Variants in GNAO1 observed in about 807,000 individuals in gnomAD.
GNAO1 encodes G protein subunit alpha o1, also known as guanine nucleotide-binding protein G(o) subunit alpha.
For missense variants in GNAO1, 166 were observed against 478.7 expected, an observed-to-expected ratio of 0.35 and a Z score of 6.10; for synonymous variants, 164 against 180.7, an observed-to-expected ratio of 0.91 and a Z score of 0.74.
At chr16:56,341,952 G>C (rs1274861764) in intron 6 of GNAO1, among the ~76,000 whole-genome samples, 1 of 152,212 alleles carries the variant, frequency 6.6e-6, no homozygotes, top group African/African-American at 2.4e-5. Flanking sequence ...GGGGCATCCC[G>C]GGGGCTTGGG....
chr16:56,271,597 G>A (rs564863353), intron 2 of GNAO1, among the ~76,000 whole-genome samples: 1 of 152,144 alleles, frequency 6.6e-6, no homozygotes, highest in African/African-American at 2.4e-5. Flanking sequence ...GGGACTACAG[G>A]TGCATGCCAC....
chr16:56,269,237 C>T (rs995358906), intron 2 of GNAO1, among the ~76,000 whole-genome samples: 1 of 152,182 alleles, frequency 6.6e-6, no homozygotes, highest in Non-Finnish European at 1.5e-5. Context: ...TCCGGAGAAA[C>T]CCCCTCTGCC....
chr16:56,262,396 T>C (rs1399202032), intron 2 of GNAO1, among the ~76,000 whole-genome samples: 1 of 152,168 alleles, frequency 6.6e-6, no homozygotes, highest in African/African-American at 2.4e-5. Context: ...GTAACCTGGG[T>C]TTGTAAAAGC....
intron 2 of GNAO1, among the ~76,000 whole-genome samples, chr16:56,260,387 C>T (rs1330836700): frequency 1.3e-5 from 2 of 152,180 alleles, no homozygotes; most frequent in African/African-American, 4.8e-5. Flanking sequence ...CTTCAACGTG[C>T]ACCAATTTTA....
At chr16:56,205,836 G>A (rs188650754) in intron 2 of GNAO1, among the ~76,000 whole-genome samples, 9 of 152,320 alleles carry the variant, frequency 5.9e-5, no homozygotes, top group East Asian at 1.9e-4. Flanking sequence ...ATAGTCATGC[G>A]TTCTAAAGGA....
intron 6 of GNAO1, chr16:56,345,842 C>G: frequency 1.0e-6 from 1 of 985,580 alleles, no homozygotes; most frequent in South Asian, 4.7e-5. Context: ...TAACCCCAGG[C>G]TCAGAAGCAG....
intron 3 of GNAO1, among the ~76,000 whole-genome samples, chr16:56,288,387 C>T (rs1282823659): frequency 6.6e-6 from 1 of 152,174 alleles, no homozygotes; most frequent in Admixed American, 6.5e-5. Flanking sequence ...GGTGGGGTCT[C>T]ACCAGCCACC....
chr16:56,347,987 G>A (rs1473825891), intron 6 of GNAO1: 1 of 980,514 alleles, frequency 1.0e-6, no homozygotes, highest in South Asian at 4.7e-5. Context: ...GGTGGGCTCG[G>A]GCGTCCCAGG....
intron 6 of GNAO1, chr16:56,344,601 C>T: frequency 9.1e-6 from 9 of 986,024 alleles, no homozygotes; most frequent in Non-Finnish European, 1.1e-5. Flanking sequence ...TCTGGAAATG[C>T]TTCTTGAGAC....
At chr16:56,194,100 G>A in intron 2 of GNAO1, 1 of 456,628 alleles carries the variant, frequency 2.2e-6, no homozygotes, top group South Asian at 1.5e-5. Context: ...CATGATGGTA[G>A]GGAGTAGCGA....
At chr16:56,343,865 C>T (rs1439695483) in intron 6 of GNAO1, 18 of 1,613,936 alleles carry the variant, frequency 1.1e-5, no homozygotes, top group Admixed American at 1.7e-5. Flanking sequence ...ACCTGCGCCA[C>T]GGACACCAAC....
At chr16:56,347,920 C>A in intron 6 of GNAO1, 1 of 922,128 alleles carries the variant, frequency 1.1e-6, no homozygotes, top group Non-Finnish European at 1.3e-6. Context: ...GTCCCCCACC[C>A]TGCCCCTGCT....
chr16:56,244,672 T>C (rs1489016272), intron 2 of GNAO1, among the ~76,000 whole-genome samples: 2 of 152,118 alleles, frequency 1.3e-5, no homozygotes, highest in Non-Finnish European at 2.9e-5. Flanking sequence ...CTGGCTTTCC[T>C]CTAGTCTCTA....
Position 56,191,751 on chromosome 16 carries a change from C to T in GNAO1, c.-485C>T, listed in dbSNP as rs1485096155. On this transcript the variant is annotated 5_prime_UTR_variant, in exon 1 of 9. Coordinates refer to ENST00000262493, the MANE Select transcript of GNAO1 (RefSeq NM_020988.3). The surrounding 1 kb of genome is among the most constrained non-coding windows in gnomAD (Gnocchi z 4.7). ...CCTAACTCACTCCCTCCACATCCCG[C>T]GCCGCCGCCGCCGCCTCCTCCACCT... is the stretch of plus-strand genomic sequence containing the variant. The T allele has an allele frequency of 9.7e-6, 2 of 206,454 alleles. No individual in the cohort carries two copies. The highest frequency in any genetic ancestry group is 7.5e-5 in the South Asian group (1 of 13,246). 12.8% of individuals were successfully genotyped at this position (206,454 alleles called of 1,614,324 possible). A position where few individuals can be genotyped will look rare whatever the true frequency, so the allele number is the denominator to read the frequency against.
Position 56,355,207 on chromosome 16 carries a change from T to TTATATATA in GNAO1, c.*28+139_*28+146dup, listed in dbSNP as rs57085646. 862 of 200,678 alleles carry TTATATATA rather than the reference T, an allele frequency of 4.3e-3. 15 individuals carry two copies. Among genetic ancestry groups the TTATATATA allele is most frequent in the Admixed American group, 0.038 (624 of 16,440 alleles). The allele number at this position is 200,678 out of a possible 1,614,324, so 12.4% of individuals were successfully genotyped here. On this transcript the variant is annotated intron_variant, in intron 8 of 8. Transcript: ENST00000262493. ...AACTTTAAAGAGGCATAACAAAACC[T>TTATATATA]TATATATATATATATATATACAAAT...
chr16:56,283,544 G>A (rs2037134626), intron 3 of GNAO1, among the ~76,000 whole-genome samples: 1 of 152,198 alleles, frequency 6.6e-6, no homozygotes, highest in Admixed American at 6.5e-5. Context: ...AATAATCATG[G>A]AAATATTGTG....
chr16:56,276,167 G>A (rs778698228), intron 3 of GNAO1, 95 bp downstream of exon 3: 18 of 1,030,256 alleles, frequency 1.7e-5, no homozygotes, highest in East Asian at 2.5e-5. Flanking sequence ...TTAAATGAAC[G>A]AGAAGAGACT....
At chr16:56,348,116 A>ATCTCTAGTTATTGTAATAAT (rs1280255285) in intron 6 of GNAO1, 4 of 966,948 alleles carry the variant, frequency 4.1e-6, no homozygotes, top group Non-Finnish European at 4.9e-6. Flanking sequence ...GGTTTAATAA[A>ATCTCTAGTTATTGTAATAAT]TCTCTAGTTA....
chr16:56,286,023 G>C (rs1276003460), intron 3 of GNAO1, among the ~76,000 whole-genome samples: 1 of 152,226 alleles, frequency 6.6e-6, no homozygotes, highest in Non-Finnish European at 1.5e-5. Context: ...GACTGAGAAA[G>C]GGTTAGGTTT....
Sources: allele counts gnomAD v4.1 joint callset (sites outside exome capture counted in the v4.1 genomes callset), GRCh38; gene constraint gnomAD v4.1.1; non-coding constraint Gnocchi (gnomAD v3.1); transcripts MANE v1.5; gene names NCBI Gene and HGNC (gene_info 2026-07-23, HGNC 2026-07-21).